Variants in GAS7 observed in about 807,000 individuals in gnomAD.
GAS7 encodes growth arrest-specific protein 7.
Under a neutral mutation model 71.1 loss-of-function variants are expected in GAS7, and 28 were observed. The ratio of observed to expected loss-of-function variants is 0.39; its 90% CI spans 0.29 to 0.54. The LOEUF (loss-of-function observed/expected upper bound fraction) is 0.54. GAS7 is among the 20% of genes least tolerant of loss of function. The pLI is 0.62. For missense variants in GAS7, 436 were observed against 627.8 expected, an observed-to-expected ratio of 0.69 and a Z score of 3.27; for synonymous variants, 258 against 245.8, an observed-to-expected ratio of 1.05 and a Z score of -0.46.
chr17:10,165,129 CAA>C (rs35413861), intron 1 of GAS7, among the ~76,000 whole-genome samples: 5 of 124,010 alleles, frequency 4.0e-5, no homozygotes, highest in South Asian at 2.5e-4. Context: ...CTAAAAAATA[CAA>C]AAAAAAAAAA....
chr17:10,046,867 A>G (rs550043717), intron 1 of GAS7, among the ~76,000 whole-genome samples: 1 of 141,598 alleles, frequency 7.1e-6, no homozygotes, highest in African/African-American at 3.0e-5. Flanking sequence ...AAGAAAAAAG[A>G]AAAGAAAAGG....
rs181486732 is a variant in GAS7, at chr17:9,969,882, G to A, written c.386-120C>T. On this transcript the variant is annotated intron_variant, in intron 3 of 13. Transcript: ENST00000432992. The surrounding 1 kb of genome is among the most constrained non-coding windows in gnomAD (Gnocchi z 5.5). ...TTGGCTCTGAGAGGTCTTGCGTGGC[G>A]AAGACCATCCCTCAGGATCTGATCT... 378 of 681,464 alleles carry A rather than the reference G, an allele frequency of 5.5e-4. No homozygotes were observed. In the African/African-American group the frequency reaches 5.7e-3, roughly 10 times the overall value. The allele number at this position is 681,464 out of a possible 1,614,324, so 42.2% of individuals were successfully genotyped here. A position where few individuals can be genotyped will look rare whatever the true frequency, so the allele number is the denominator to read the frequency against.
At chr17:10,179,127 C>T (rs1047134342) in intron 1 of GAS7, among the ~76,000 whole-genome samples, 1 of 151,934 alleles carries the variant, frequency 6.6e-6, no homozygotes, top group Non-Finnish European at 1.5e-5. Context: ...GTCGGGAGTT[C>T]GAGACCAGCC....
At chr17:9,990,028 G>T (rs921420095) in intron 2 of GAS7, among the ~76,000 whole-genome samples, 1 of 152,162 alleles carries the variant, frequency 6.6e-6, no homozygotes, top group Non-Finnish European at 1.5e-5. Context: ...CCAGCACTTT[G>T]GGAGGCAGAG....
intron 1 of GAS7, among the ~76,000 whole-genome samples, chr17:10,108,559 C>A (rs7222434): frequency 0.39 from 58,821 of 152,072 alleles, 11,943 homozygotes; most frequent in African/African-American, 0.5. Context: ...GAGGATCTGT[C>A]TTTGTATTTA....
intron 1 of GAS7, among the ~76,000 whole-genome samples, chr17:10,188,039 T>C (rs1019358914): frequency 3.3e-5 from 5 of 152,018 alleles, no homozygotes; most frequent in African/African-American, 1.2e-4. Flanking sequence ...AGGTCAGGAG[T>C]TCGAGACCTG....
intron 1 of GAS7, among the ~76,000 whole-genome samples, chr17:10,096,020 G>C (rs1177674951): frequency 6.6e-6 from 1 of 152,034 alleles, no homozygotes; most frequent in Admixed American, 6.6e-5. Flanking sequence ...CCCTGGTCCT[G>C]CTTTCTCCCC....
chr17:10,015,949 C>T (rs2071978215), intron 2 of GAS7, among the ~76,000 whole-genome samples: 1 of 152,156 alleles, frequency 6.6e-6, no homozygotes, highest in South Asian at 2.1e-4. Context: ...CACTTAAAAT[C>T]TGTTCCCACT....
Position 10,005,607 on chromosome 17 carries a change from T to C in GAS7, c.304+14170A>G, listed in dbSNP as rs116827222. Reference sequence around the variant, plus strand: ...CACCTCACGATTTTCTGAAAGAAGATAGATATCCAGATGTTTACGAAAAAA... The same window carrying C: ...CACCTCACGATTTTCTGAAAGAAGACAGATATCCAGATGTTTACGAAAAAA... On this transcript the variant is annotated intron_variant, in intron 2 of 13. Coordinates refer to ENST00000432992, the MANE Select transcript of GAS7 (RefSeq NM_201433.2). Among the ~76,000 whole-genome samples, 232 of 152,226 alleles carry C rather than the reference T, an allele frequency of 1.5e-3. 1 individual carries two copies. The highest frequency in any genetic ancestry group is 5.3e-3 in the African/African-American group (219 of 41,544).
chr17:10,093,234 T>A (rs1457728882), intron 1 of GAS7, among the ~76,000 whole-genome samples: 4 of 152,228 alleles, frequency 2.6e-5, no homozygotes, highest in Non-Finnish European at 5.9e-5. Flanking sequence ...GTTGCTTCTA[T>A]GAGTCCATTC....
intron 1 of GAS7, among the ~76,000 whole-genome samples, chr17:10,021,874 A>G (rs2072283449): frequency 6.6e-6 from 1 of 152,202 alleles, no homozygotes; most frequent in African/African-American, 2.4e-5. Flanking sequence ...ATGTTGAGAG[A>G]AAGAGAAGTA....
intron 1 of GAS7, among the ~76,000 whole-genome samples, chr17:10,186,650 C>A (rs2074456078): frequency 6.6e-6 from 1 of 152,140 alleles, no homozygotes; most frequent in Admixed American, 6.5e-5. Context: ...AGATAATCCA[C>A]CCACCTCAGC....
intron 1 of GAS7, among the ~76,000 whole-genome samples, chr17:10,136,553 C>T (rs1005551400): frequency 1.3e-5 from 2 of 152,138 alleles, no homozygotes; most frequent in African/African-American, 4.8e-5. Flanking sequence ...CCAGACAGCA[C>T]CTCCTGCAAA....
At chr17:9,929,485 A>T (rs894957641) in intron 9 of GAS7, among the ~76,000 whole-genome samples, 13 of 151,860 alleles carry the variant, frequency 8.6e-5, no homozygotes, top group African/African-American at 1.7e-4. Context: ...TTATTTATTT[A>T]TTTTTTTGAG....
intron 3 of GAS7, among the ~76,000 whole-genome samples, chr17:9,970,127 G>C (rs2069898972): frequency 1.3e-5 from 2 of 152,262 alleles, no homozygotes; most frequent in African/African-American, 4.8e-5. Flanking sequence ...TCCCTCCGTA[G>C]AGTCGGGGCG....
rs190902665 is a variant in GAS7, at chr17:10,173,702, A to G, written c.183+24506T>C. Among the ~76,000 whole-genome samples the G allele has an allele frequency of 6.2e-3, 940 of 151,094 alleles. 8 individuals are homozygous for G. The highest frequency in any genetic ancestry group is 0.022 in the African/African-American group (885 of 41,078). On this transcript the variant is annotated intron_variant, in intron 1 of 13. Transcript: ENST00000432992. The stretch of plus-strand genomic sequence containing the variant: ...AGAATGGCGTGAATGCGGGAGGGGG[A>G]GCTTGTAGTGAGCCGAGATCGTGCC...
chr17:10,098,084 G>A (rs2019021), intron 1 of GAS7, among the ~76,000 whole-genome samples: 4,520 of 149,614 alleles, frequency 0.03, 207 homozygotes, highest in African/African-American at 0.1. Flanking sequence ...TCGCCTCCTT[G>A]TGCCCAAGAG....
chr17:10,041,550 T>G (rs747315388), intron 1 of GAS7, among the ~76,000 whole-genome samples: 4 of 152,194 alleles, frequency 2.6e-5, no homozygotes, highest in Admixed American at 6.5e-5. Flanking sequence ...AACACACTAG[T>G]CCTGCAGACA....
chr17:10,177,206 C>T (rs2074379516), intron 1 of GAS7, among the ~76,000 whole-genome samples: 1 of 152,146 alleles, frequency 6.6e-6, no homozygotes, highest in African/African-American at 2.4e-5. Context: ...GGTCCATGGG[C>T]TGGATCTTGA....
Sources: allele counts gnomAD v4.1 joint callset (sites outside exome capture counted in the v4.1 genomes callset), GRCh38; gene constraint gnomAD v4.1.1; non-coding constraint Gnocchi (gnomAD v3.1); transcripts MANE v1.5; gene names NCBI Gene and HGNC (gene_info 2026-07-23, HGNC 2026-07-21).